Variants in PID1 observed in about 807,000 individuals in gnomAD.
PID1 encodes PTB-containing, cubilin and LRP1-interacting protein.
A neutral mutation model predicts 19.1 loss-of-function variants in PID1; 10 were observed. The observed-to-expected ratio is 0.52, with a 90% confidence interval of 0.32 to 0.89. PID1 has a LOEUF of 0.89. PID1 is among the 40% of genes least tolerant of loss of function. The pLI is 0.03. For missense variants in PID1, 248 were observed against 285.3 expected, an observed-to-expected ratio of 0.87 and a Z score of 0.94; for synonymous variants, 130 against 116.0, an observed-to-expected ratio of 1.12 and a Z score of -0.78.
chr2:229,071,864 A>G (rs1452153351), intron 2 of PID1, among the ~76,000 whole-genome samples: 1 of 152,266 alleles, frequency 6.6e-6, no homozygotes, highest in African/African-American at 2.4e-5. Flanking sequence ...CTCTTTTGAA[A>G]TAGAAATCTT....
intron 2 of PID1, among the ~76,000 whole-genome samples, chr2:229,089,114 G>GGA (rs150646992): frequency 0.038 from 5,702 of 152,026 alleles, 147 homozygotes; most frequent in Non-Finnish European, 0.056. Flanking sequence ...AAGGAGTGAA[G>GGA]GAGAGAGAGA....
chr2:229,101,140 A>G (rs1695064915), intron 2 of PID1, among the ~76,000 whole-genome samples: 1 of 152,224 alleles, frequency 6.6e-6, no homozygotes, highest in Non-Finnish European at 1.5e-5. Context: ...CAAGATTCCC[A>G]TGAGGGGAGA....
At chr2:229,135,055 A>G (rs913988856) in intron 2 of PID1, among the ~76,000 whole-genome samples, 5 of 152,212 alleles carry the variant, frequency 3.3e-5, no homozygotes, top group African/African-American at 1.2e-4. Context: ...AGGCAAAAAT[A>G]AGAGGAGATG....
intron 1 of PID1, among the ~76,000 whole-genome samples, chr2:229,211,104 T>C (rs74858571): frequency 0.15 from 23,542 of 152,070 alleles, 2,148 homozygotes; most frequent in Admixed American, 0.25. Context: ...GGAGAGCAAC[T>C]TGGGGACAGT....
chr2:229,086,196 C>T (rs184401526), intron 2 of PID1, among the ~76,000 whole-genome samples: 219 of 152,160 alleles, frequency 1.4e-3, no homozygotes, highest in Middle Eastern at 6.8e-3. Flanking sequence ...ACTTATGATG[C>T]GGTTACATTC....
intron 2 of PID1, among the ~76,000 whole-genome samples, chr2:229,153,911 C>G (rs1690311547): frequency 6.6e-6 from 1 of 152,174 alleles, no homozygotes; most frequent in African/African-American, 2.4e-5. Context: ...TTTGAGGCAC[C>G]ATCTTTCCTC....
chr2:229,066,740 A>G (rs1694334961), intron 2 of PID1, among the ~76,000 whole-genome samples: 1 of 151,884 alleles, frequency 6.6e-6, no homozygotes, highest in South Asian at 2.1e-4. Flanking sequence ...CATTCTAGAT[A>G]TTAAGCTATA....
intron 1 of PID1, among the ~76,000 whole-genome samples, chr2:229,223,542 CA>C (rs1437119525): frequency 6.6e-6 from 1 of 152,182 alleles, no homozygotes; most frequent in African/African-American, 2.4e-5. Context: ...GTCTATAAAA[CA>C]AAGTGCTAAT....
At chr2:229,199,751 T>TACAC (rs142246557) in intron 1 of PID1, among the ~76,000 whole-genome samples, 36,766 of 139,676 alleles carry the variant, frequency 0.26, 5,065 homozygotes, top group Non-Finnish European at 0.32. Flanking sequence ...TATATACACA[T>TACAC]ACACACACAC....
chr2:229,242,310 C>T (rs902618231), intron 1 of PID1, among the ~76,000 whole-genome samples: 5 of 152,192 alleles, frequency 3.3e-5, no homozygotes, highest in African/African-American at 1.2e-4. Context: ...ACAGCACTTG[C>T]TATGACTCAG....
At chr2:229,067,532 C>T (rs1433076771) in intron 2 of PID1, among the ~76,000 whole-genome samples, 1 of 152,058 alleles carries the variant, frequency 6.6e-6, no homozygotes, top group Non-Finnish European at 1.5e-5. Context: ...ACTCCCATAG[C>T]CCCACCAAAG....
intron 1 of PID1, among the ~76,000 whole-genome samples, chr2:229,175,380 T>G (rs1482189705): frequency 6.6e-6 from 1 of 152,196 alleles, no homozygotes; most frequent in African/African-American, 2.4e-5. Context: ...AATTCTTAAG[T>G]GACTGATTCA....
chr2:229,059,134 A>T (rs1694160849), intron 2 of PID1, among the ~76,000 whole-genome samples: 1 of 152,222 alleles, frequency 6.6e-6, no homozygotes. Flanking sequence ...ACAAAATACA[A>T]AAAAACGAAA....
intron 1 of PID1, among the ~76,000 whole-genome samples, chr2:229,206,358 A>C (rs1309175092): frequency 1.3e-5 from 2 of 152,114 alleles, no homozygotes; most frequent in Non-Finnish European, 2.9e-5. Context: ...ATTCTGCCCA[A>C]GAGTTATCAG....
chr2:229,074,821 T>C (rs1400271713), intron 2 of PID1, among the ~76,000 whole-genome samples: 1 of 152,166 alleles, frequency 6.6e-6, no homozygotes, highest in Non-Finnish European at 1.5e-5. Flanking sequence ...GCAAAATATA[T>C]TTCAGATTTC....
At chr2:229,064,016 A>G (rs1337136245) in intron 2 of PID1, among the ~76,000 whole-genome samples, 3 of 152,108 alleles carry the variant, frequency 2.0e-5, no homozygotes, top group Admixed American at 6.6e-5. Flanking sequence ...ATTCAAAGCT[A>G]AAGTCTAAAG....
intron 2 of PID1, among the ~76,000 whole-genome samples, chr2:229,148,351 T>C (rs1373886603): frequency 6.6e-6 from 1 of 152,144 alleles, no homozygotes; most frequent in Non-Finnish European, 1.5e-5. Flanking sequence ...TTTGAACATA[T>C]ATTTAAAGAT....
intron 2 of PID1, among the ~76,000 whole-genome samples, chr2:229,083,450 G>GGAGCC (rs969229771): frequency 5.5e-4 from 84 of 152,252 alleles, no homozygotes; most frequent in African/African-American, 1.9e-3. Flanking sequence ...ACAGGGAAAA[G>GGAGCC]GAGCCTCTGC....
chr2:229,226,799 G>GA (rs1279971377), intron 1 of PID1, among the ~76,000 whole-genome samples: 1 of 152,156 alleles, frequency 6.6e-6, no homozygotes, highest in Non-Finnish European at 1.5e-5. Flanking sequence ...TTTCATGACG[G>GA]AAAAATGCAT....
Sources: allele counts gnomAD v4.1 joint callset (sites outside exome capture counted in the v4.1 genomes callset), GRCh38; gene constraint gnomAD v4.1.1; transcripts MANE v1.5; gene names NCBI Gene and HGNC (gene_info 2026-07-23, HGNC 2026-07-21).